ADCY10: variants seen among roughly 807,000 people sequenced by gnomAD.
The protein encoded by ADCY10 is adenylate cyclase 10.
In ADCY10, 156 loss-of-function variants were observed where a neutral mutation model predicts 183.3. The observed-to-expected ratio is 0.85, with a 90% CI of 0.75 to 0.97. ADCY10 has a LOEUF of 0.97. Ranked by LOEUF, ADCY10 falls within the 50% of genes least tolerant of loss-of-function variation. The probability of loss-of-function intolerance (pLI) is 0.00; values close to 1 mark genes in which losing one functional copy is unlikely to be tolerated. For synonymous variants in ADCY10, 645 were observed against 670.0 expected, an observed-to-expected ratio of 0.96 and a Z score of 0.58; for missense variants, 1,745 against 1,934.3, an observed-to-expected ratio of 0.90 and a Z score of 1.84.
chr1:167,846,334 A>G, intron 19 of ADCY10, 71 bp from the exon 20 acceptor site: 1 of 1,576,102 alleles, frequency 6.3e-7, no homozygotes, highest in Non-Finnish European at 8.7e-7. Flanking sequence ...TTTAATATAG[A>G]GCAGGTGGAC....
Position 167,878,454 on chromosome 1 carries a change from A to T in ADCY10, c.1398T>A (p.Thr466=). 6.2e-7 allele frequency: 1 copy of T among 1,613,920 alleles called. No homozygotes were observed. The highest frequency in any genetic ancestry group is 8.5e-7 in the Non-Finnish European group (1 of 1,179,992). The change falls in exon 12 of 33, where the codon ACT becomes ACA. Residue 466 remains threonine, a synonymous_variant. Coordinates refer to ENST00000367851, the MANE Select transcript of ADCY10 (RefSeq NM_018417.6). ...SGPLYQYWGR[T]EKVMFGMACL... ...TAATGCTCCACACTCACACTTTCTCAGTACGGCCCCAATACTGATACAATG... is the reference window on the plus strand; with the variant it reads ...TAATGCTCCACACTCACACTTTCTCTGTACGGCCCCAATACTGATACAATG...
chr1:167,893,951 C>G lies in ADCY10; in HGVS notation c.740-10G>C, dbSNP rs186955077. 112 of 1,608,434 alleles carry G rather than the reference C, an allele frequency of 7.0e-5. No homozygotes were observed. The African/African-American group carries it at 1.3e-3, about 19-fold the overall frequency. ...GCAAGCCTCAGGAGGTCTAAGAAGG[C>G]AGAAGGAGGGTGCAGGCTCAGAGAG... On this transcript the variant is annotated splice_polypyrimidine_tract_variant and intron_variant, in intron 7 of 32. Coordinates refer to ENST00000367851, the MANE Select transcript of ADCY10 (RefSeq NM_018417.6).
At chr1:167,894,086 G>A in intron 7 of ADCY10, 145 bp from the exon 8 acceptor site, 2 of 684,888 alleles carry the variant, frequency 2.9e-6, no homozygotes, top group Admixed American at 2.1e-5. Context: ...ACACCTAGGG[G>A]CTGAAAGGGC....
At chr1:167,839,246 T>C (rs1235802789) in intron 21 of ADCY10, among the ~76,000 whole-genome samples, 1 of 152,244 alleles carries the variant, frequency 6.6e-6, no homozygotes, top group East Asian at 1.9e-4. Context: ...CAGCTTCCCT[T>C]GCAACTGGAT....
chr1:167,833,337 G>A (rs919404956), intron 24 of ADCY10, among the ~76,000 whole-genome samples, 175 bp from the exon 25 acceptor site: 1 of 152,200 alleles, frequency 6.6e-6, no homozygotes, highest in Non-Finnish European at 1.5e-5. Flanking sequence ...ATATATGCAT[G>A]AAGGGTGGTT....
In ADCY10 at chr1:167,811,658, A is replaced by G. The variant is rs925443481; in HGVS notation, c.4483-745T>C. ...TATTCTTGGATCCATAAGAGAAGTG[A>G]GAACACAGGGCAAACTGCTGCCCCT... On this transcript the variant is annotated intron_variant, in intron 31 of 32. Transcript: ENST00000367851. Among the ~76,000 whole-genome samples the G allele has an allele frequency of 5.2e-4, 79 of 152,216 alleles. 4 individuals are homozygous for G. Among genetic ancestry groups the G allele is most frequent in the Non-Finnish European group, 2.9e-5 (2 of 68,030 alleles).
At chr1:167,912,587 T>C (rs151028233) in intron 1 of ADCY10, among the ~76,000 whole-genome samples, 1 of 152,348 alleles carries the variant, frequency 6.6e-6, no homozygotes, top group Non-Finnish European at 1.5e-5. Context: ...AATATATACC[T>C]AGCTGACGTC....
intron 5 of ADCY10, 29 bp downstream of exon 5, chr1:167,901,633 G>A (rs752232910): frequency 2.2e-5 from 36 of 1,610,508 alleles, no homozygotes; most frequent in Middle Eastern, 3.3e-4. Context: ...CCCAGCTGCC[G>A]TAGGATTTAT....
intron 14 of ADCY10, 73 bp downstream of exon 14, chr1:167,870,184 A>G: frequency 6.5e-7 from 1 of 1,542,042 alleles, no homozygotes; most frequent in Non-Finnish European, 9.0e-7. Flanking sequence ...GGCAAGTTAT[A>G]GGAAGGAGAG....
At chr1:167,816,432 G>C (rs1341264727) in intron 31 of ADCY10, among the ~76,000 whole-genome samples, 2 of 152,088 alleles carry the variant, frequency 1.3e-5, no homozygotes, top group Non-Finnish European at 2.9e-5. Flanking sequence ...TGTAATCCCA[G>C]CTACTCAGGA....
intron 7 of ADCY10, among the ~76,000 whole-genome samples, chr1:167,895,332 C>A (rs920855647): frequency 6.6e-6 from 1 of 152,170 alleles, no homozygotes; most frequent in Non-Finnish European, 1.5e-5. Context: ...TCTCCTTCAT[C>A]TCTGGAGCTT....
chr1:167,897,175 T>TA (rs751721271), intron 6 of ADCY10, among the ~76,000 whole-genome samples: 116 of 136,600 alleles, frequency 8.5e-4, no homozygotes, highest in South Asian at 1.9e-3. Context: ...TATTCTTGGT[T>TA]AAAAAAAAAA....
intron 29 of ADCY10, 74 bp downstream of exon 29, chr1:167,822,934 C>A: frequency 7.4e-7 from 1 of 1,345,662 alleles, no homozygotes; most frequent in East Asian, 2.3e-5. Flanking sequence ...AAGCCCCAAC[C>A]TGAGAGCTGC....
chr1:167,843,430 C>A (rs536280528), intron 21 of ADCY10, among the ~76,000 whole-genome samples: 153 of 152,208 alleles, frequency 1.0e-3, no homozygotes, highest in African/African-American at 3.6e-3. Context: ...TCCCTCATCT[C>A]TTTCCATCAT....
chr1:167,811,094 G>C (rs1019408560), intron 31 of ADCY10, among the ~76,000 whole-genome samples, 181 bp from the exon 32 acceptor site: 2 of 152,178 alleles, frequency 1.3e-5, no homozygotes, highest in African/African-American at 2.4e-5. Flanking sequence ...AGGCAGAGTA[G>C]CCACCATGGT....
rs558517636 is a variant in ADCY10, at chr1:167,851,848, A to G, written c.2308+2505T>C. Among the ~76,000 whole-genome samples the G allele has an allele frequency of 3.3e-5, 5 of 152,156 alleles. No homozygotes were observed. In the South Asian group the frequency reaches 1.0e-3, roughly 32 times the overall value. ...AAAAAAAGAAATTTAACATTGATAC[A>G]ATACTTTAGTCTACTGTCCATATCC... On this transcript the variant is annotated intron_variant, in intron 18 of 32. Coordinates refer to ENST00000367851, the MANE Select transcript of ADCY10 (RefSeq NM_018417.6).
chr1:167,909,275 C>A (rs1438788268), intron 1 of ADCY10, among the ~76,000 whole-genome samples: 4 of 152,074 alleles, frequency 2.6e-5, no homozygotes, highest in African/African-American at 9.7e-5. Flanking sequence ...AACATTTATC[C>A]ACTATACTAT....
chr1:167,829,851 C>T (rs1163925118), intron 25 of ADCY10, among the ~76,000 whole-genome samples: 1 of 152,150 alleles, frequency 6.6e-6, no homozygotes, highest in Non-Finnish European at 1.5e-5. Context: ...TGTGGTGGTG[C>T]CAGGATTCAA....
chr1:167,818,306 C>T, intron 30 of ADCY10, 39 bp from the exon 31 acceptor site: 2 of 1,571,768 alleles, frequency 1.3e-6, no homozygotes, highest in Non-Finnish European at 1.8e-6. Context: ...TCAGTATCAC[C>T]CATTAGGAAT....
Sources: allele counts gnomAD v4.1 joint callset (sites outside exome capture counted in the v4.1 genomes callset), GRCh38; gene constraint gnomAD v4.1.1; transcripts MANE v1.5; gene names NCBI Gene and HGNC (gene_info 2026-07-23, HGNC 2026-07-21).